Variants in CNTNAP2 observed in about 807,000 individuals in gnomAD.
The protein encoded by CNTNAP2 is contactin-associated protein-like 2.
A neutral mutation model predicts 155.2 loss-of-function variants in CNTNAP2; 98 were observed. The observed-to-expected ratio is 0.63, with a 90% CI of 0.54 to 0.75. CNTNAP2 has a LOEUF of 0.75. Among genes scored for constraint, CNTNAP2 ranks in the 30% least tolerant of loss-of-function variants. The probability of loss-of-function intolerance (pLI) is 0.00; values close to 1 mark genes in which losing one functional copy is unlikely to be tolerated. For missense variants in CNTNAP2, 1,727 were observed against 1,688.1 expected, an observed-to-expected ratio of 1.02 and a Z score of -0.40; for synonymous variants, 651 against 631.2, an observed-to-expected ratio of 1.03 and a Z score of -0.47.
At chr7:146,767,817 A>G (rs962734778) in intron 1 of CNTNAP2, among the ~76,000 whole-genome samples, 2 of 152,160 alleles carry the variant, frequency 1.3e-5, no homozygotes, top group African/African-American at 4.8e-5. Flanking sequence ...CAGGAAAAGG[A>G]CTTTTGAAAT....
At chr7:148,283,620 G>T (rs968809409) in intron 21 of CNTNAP2, among the ~76,000 whole-genome samples, 1 of 151,928 alleles carries the variant, frequency 6.6e-6, no homozygotes. Context: ...CCATAAACAA[G>T]TATCATTTTT....
At chr7:148,094,699 G>C (rs1803924556) in intron 15 of CNTNAP2, among the ~76,000 whole-genome samples, 1 of 152,184 alleles carries the variant, frequency 6.6e-6, no homozygotes. Context: ...TCATAATATG[G>C]ACGGTGATAT....
intron 8 of CNTNAP2, among the ~76,000 whole-genome samples, chr7:147,276,241 T>G (rs1584839107): frequency 6.6e-6 from 1 of 151,662 alleles, no homozygotes; most frequent in South Asian, 2.1e-4. Flanking sequence ...TTTTTTGGAA[T>G]AGTTTCAATA....
chr7:146,400,697 A>G (rs60409856), intron 1 of CNTNAP2, among the ~76,000 whole-genome samples: 12,569 of 152,264 alleles, frequency 0.083, 574 homozygotes, highest in Middle Eastern at 0.12. Context: ...TGTGAACATC[A>G]TGTGTGCATA....
At chr7:146,571,329 A>G (rs1450209757) in intron 1 of CNTNAP2, among the ~76,000 whole-genome samples, 1 of 152,112 alleles carries the variant, frequency 6.6e-6, no homozygotes, top group Non-Finnish European at 1.5e-5. Context: ...TCTTGAATGA[A>G]TGATTATTTT....
chr7:147,150,778 G>T (rs752307192), intron 8 of CNTNAP2, among the ~76,000 whole-genome samples: 9 of 151,972 alleles, frequency 5.9e-5, no homozygotes, highest in Non-Finnish European at 1.2e-4. Flanking sequence ...ACAAAAAACA[G>T]AACAAGACGA....
intron 10 of CNTNAP2, among the ~76,000 whole-genome samples, chr7:147,435,197 A>G (rs573131277): frequency 2.6e-5 from 4 of 152,322 alleles, no homozygotes; most frequent in South Asian, 4.1e-4. Context: ...CAGAGTCCCT[A>G]TAAGTTTTGT....
chr7:146,629,037 G>A (rs1799466713), intron 1 of CNTNAP2, among the ~76,000 whole-genome samples: 1 of 152,096 alleles, frequency 6.6e-6, no homozygotes, highest in Non-Finnish European at 1.5e-5. Flanking sequence ...TTATGATAAT[G>A]GTTGATTTCC....
intron 20 of CNTNAP2, among the ~76,000 whole-genome samples, chr7:148,235,685 A>ATTTTTTTTTTTTTTTTTTTTTTTTTTT (rs398006723): frequency 8.2e-6 from 1 of 121,988 alleles, no homozygotes. Context: ...TGCAGCAATT[A>ATTTTTTTTTTTTTTTTTTTTTTTTTTT]TTTTTTTTTT....
At chr7:146,875,676 G>C (rs993469038) in intron 3 of CNTNAP2, among the ~76,000 whole-genome samples, 24 of 151,504 alleles carry the variant, frequency 1.6e-4, no homozygotes, top group South Asian at 4.2e-4. Flanking sequence ...GCTTTTGGCG[G>C]GGGGGCAAAG....
intron 1 of CNTNAP2, among the ~76,000 whole-genome samples, chr7:146,519,337 G>C (rs578245099): frequency 6.6e-6 from 1 of 151,832 alleles, no homozygotes; most frequent in African/African-American, 2.4e-5. Flanking sequence ...TTGAGAAGAG[G>C]GAACAGATGA....
At chr7:147,177,087 A>C (rs905812431) in intron 8 of CNTNAP2, among the ~76,000 whole-genome samples, 8 of 148,282 alleles carry the variant, frequency 5.4e-5, no homozygotes, top group African/African-American at 2.0e-4. Flanking sequence ...AATATAATAG[A>C]ATCATATTCT....
chr7:146,688,743 T>A (rs1800646795), intron 1 of CNTNAP2, among the ~76,000 whole-genome samples: 1 of 152,144 alleles, frequency 6.6e-6, no homozygotes, highest in Admixed American at 6.6e-5. Flanking sequence ...ATGGCTTAGC[T>A]TGGGCTCAGA....
chr7:146,483,322 T>TATATATATAC (rs1563101792), intron 1 of CNTNAP2, among the ~76,000 whole-genome samples: 26 of 85,180 alleles, frequency 3.1e-4, no homozygotes, highest in Non-Finnish European at 5.5e-4. Context: ...TATATATATA[T>TATATATATAC]ATATATACAT....
At chr7:147,633,516 T>C (rs1261085049) in intron 12 of CNTNAP2, among the ~76,000 whole-genome samples, 1 of 152,070 alleles carries the variant, frequency 6.6e-6, no homozygotes, top group Non-Finnish European at 1.5e-5. Flanking sequence ...GTGTTTTGAA[T>C]TGTGAGGTCA....
At chr7:146,310,677 G>T (rs1800804323) in intron 1 of CNTNAP2, among the ~76,000 whole-genome samples, 1 of 151,920 alleles carries the variant, frequency 6.6e-6, no homozygotes, top group Admixed American at 6.6e-5. Flanking sequence ...TTACCATTGT[G>T]ATTACTTTTA....
At chr7:147,210,380 A>G (rs910898655) in intron 8 of CNTNAP2, among the ~76,000 whole-genome samples, 2 of 151,916 alleles carry the variant, frequency 1.3e-5, no homozygotes, top group African/African-American at 2.4e-5. Context: ...TTTTGTGTGC[A>G]TGGAGTGTTT....
At chr7:146,943,684 T>C (rs143384367) in intron 3 of CNTNAP2, among the ~76,000 whole-genome samples, 176 of 152,312 alleles carry the variant, frequency 1.2e-3, no homozygotes, top group African/African-American at 3.3e-3. Context: ...GGTGATGTCA[T>C]GACTTTTCTC....
At chr7:146,927,441 A>G (rs1269698399) in intron 3 of CNTNAP2, among the ~76,000 whole-genome samples, 1 of 152,120 alleles carries the variant, frequency 6.6e-6, no homozygotes, top group Non-Finnish European at 1.5e-5. Context: ...AAATATATAT[A>G]ATGATATTTC....
Sources: gnomAD v4.1 joint callset for allele counts (sites outside exome capture counted in the v4.1 genomes callset) on GRCh38, gnomAD v4.1.1 for gene constraint, MANE v1.5 for transcripts, NCBI Gene and HGNC (gene_info 2026-07-23, HGNC 2026-07-21) for gene names.